The following PAK5 variants were observed in gnomAD, a reference collection of about 807,000 sequenced individuals.
PAK5 encodes serine/threonine-protein kinase PAK 5.
PAK5 carries 16 observed loss-of-function variants against 65.9 expected under a neutral mutation model. The observed-to-expected ratio is 0.24, with a 90% CI of 0.16 to 0.37. The LOEUF (loss-of-function observed/expected upper bound fraction) is 0.37. Among genes scored for constraint, PAK5 ranks in the 10% least tolerant of loss-of-function variants. The pLI is 1.00. For missense variants in PAK5, 785 were observed against 903.9 expected, an observed-to-expected ratio of 0.87 and a Z score of 1.69; for synonymous variants, 371 against 354.9, an observed-to-expected ratio of 1.05 and a Z score of -0.51.
chr20:9,630,280 A>G (rs867114919), intron 3 of PAK5, among the ~76,000 whole-genome samples: 21 of 152,338 alleles, frequency 1.4e-4, no homozygotes, highest in Middle Eastern at 3.4e-3. Flanking sequence ...GAGACTGTAG[A>G]GCTCTTTGTT....
chr20:9,643,842 C>A (rs1365346837), intron 3 of PAK5, among the ~76,000 whole-genome samples: 1 of 152,140 alleles, frequency 6.6e-6, no homozygotes. Flanking sequence ...TAAAGTCTAA[C>A]AAAAACACCA....
intron 7 of PAK5, among the ~76,000 whole-genome samples, chr20:9,552,456 CACATT>C (rs1346734790): frequency 6.6e-6 from 1 of 152,202 alleles, no homozygotes; most frequent in Non-Finnish European, 1.5e-5. Context: ...AGGTTTTACA[CACATT>C]ACATTATTCA....
chr20:9,635,941 T>C (rs1205100063), intron 3 of PAK5, among the ~76,000 whole-genome samples: 1 of 152,168 alleles, frequency 6.6e-6, no homozygotes, highest in East Asian at 1.9e-4. Flanking sequence ...GCTAGGAGCA[T>C]GGCAAACATC....
At chr20:9,806,054 T>A (rs1413339747) in intron 1 of PAK5, among the ~76,000 whole-genome samples, 1 of 152,184 alleles carries the variant, frequency 6.6e-6, no homozygotes, top group East Asian at 1.9e-4. Context: ...AACCTCTGCC[T>A]CCTGGGTTCA....
Position 9,580,707 on chromosome 20 carries a change from G to A in PAK5, c.428C>T (p.Thr143Ile), listed in dbSNP as rs1272802288. The A allele has an allele frequency of 6.2e-7, 1 of 1,613,950 alleles. No homozygotes were observed. ...GAGACTCTTCTCCCTGTACTTTTCG[G>A]TCGTGTAGTCAGCAGTAGTATCGGA... The part of the protein sequence containing the change: ...SESDTTADYT[T>I]EKYREKSLYG... The change falls in exon 4 of 10, where the codon ACC (threonine) becomes ATC (isoleucine). Residue 143 changes from threonine (T) to isoleucine (I), a missense_variant. Transcript: ENST00000353224.
intron 3 of PAK5, among the ~76,000 whole-genome samples, chr20:9,634,839 C>T (rs978187534): frequency 2.6e-5 from 4 of 152,126 alleles, no homozygotes; most frequent in Non-Finnish European, 4.4e-5. Flanking sequence ...AAAAGGCATA[C>T]TGACACTGGA....
At chr20:9,601,447 G>A (rs559196817) in intron 3 of PAK5, among the ~76,000 whole-genome samples, 29 of 152,168 alleles carry the variant, frequency 1.9e-4, no homozygotes, top group African/African-American at 3.6e-4. Context: ...GCATTTGATC[G>A]TCCCAATAGC....
At chr20:9,710,893 A>G (rs1003313161) in intron 2 of PAK5, among the ~76,000 whole-genome samples, 2 of 152,156 alleles carry the variant, frequency 1.3e-5, no homozygotes, top group Admixed American at 6.5e-5. Flanking sequence ...TTCATGACAC[A>G]TGGACGGTAT....
intron 1 of PAK5, among the ~76,000 whole-genome samples, chr20:9,779,127 T>C (rs186479989): frequency 2.6e-5 from 4 of 152,282 alleles, no homozygotes; most frequent in East Asian, 3.9e-4. Context: ...GATATGGCTT[T>C]CTTTTACATT....
intron 1 of PAK5, among the ~76,000 whole-genome samples, chr20:9,837,333 C>T (rs983797369): frequency 2.0e-5 from 3 of 152,206 alleles, no homozygotes; most frequent in African/African-American, 7.2e-5. Flanking sequence ...TTTGATGATA[C>T]TGACTCATTC....
intron 3 of PAK5, among the ~76,000 whole-genome samples, chr20:9,631,193 C>G (rs973078352): frequency 2.0e-5 from 3 of 152,146 alleles, no homozygotes; most frequent in African/African-American, 7.2e-5. Flanking sequence ...CAATGATTCC[C>G]ACCTCCTGGT....
At chr20:9,784,490 T>C (rs1302227237) in intron 1 of PAK5, 1 of 152,194 alleles carries the variant, frequency 6.6e-6, no homozygotes, top group Non-Finnish European at 1.5e-5. Context: ...GATATGATTA[T>C]ACTGGGAGAC....
rs1302863211 is a variant in PAK5, at chr20:9,538,187, C to T, written c.*1275G>A. ...TATTGTAGTAGTCATTCATTTTTAT[C>T]AACATTCAAGAAGATCTAGACAGCA... On this transcript the variant is annotated 3_prime_UTR_variant, in exon 10 of 10. Coordinates refer to ENST00000353224, the MANE Select transcript of PAK5 (RefSeq NM_177990.4). 1 of 233,402 alleles carries T rather than the reference C, an allele frequency of 4.3e-6. No homozygotes were observed. The highest frequency in any genetic ancestry group is 8.5e-6 in the Non-Finnish European group (1 of 117,966). The allele number at this position is 233,402 out of a possible 1,614,324, so 14.5% of individuals were successfully genotyped here.
intron 3 of PAK5, among the ~76,000 whole-genome samples, chr20:9,610,888 C>T (rs1393145350): frequency 6.6e-6 from 1 of 152,138 alleles, no homozygotes; most frequent in Non-Finnish European, 1.5e-5. Flanking sequence ...GCTAGGTGGG[C>T]CCATTTCCCC....
intron 3 of PAK5, among the ~76,000 whole-genome samples, chr20:9,622,975 TA>T (rs1425088224): frequency 6.6e-6 from 1 of 152,252 alleles, no homozygotes; most frequent in Non-Finnish European, 1.5e-5. Context: ...TGATGTGTTA[TA>T]AAATTGCTAA....
intron 5 of PAK5, among the ~76,000 whole-genome samples, chr20:9,564,198 A>G (rs1039410655): frequency 6.6e-6 from 1 of 152,170 alleles, no homozygotes; most frequent in Admixed American, 6.5e-5. Context: ...AAAGAATATT[A>G]CTCCAAAATA....
intron 3 of PAK5, among the ~76,000 whole-genome samples, chr20:9,594,316 A>C (rs1191811977): frequency 6.6e-6 from 1 of 152,190 alleles, no homozygotes; most frequent in Non-Finnish European, 1.5e-5. Context: ...TAAAATATAC[A>C]TTGAAGTCTG....
At chr20:9,786,841 A>G (rs1361152398) in intron 1 of PAK5, among the ~76,000 whole-genome samples, 2 of 152,178 alleles carry the variant, frequency 1.3e-5, no homozygotes, top group Admixed American at 6.5e-5. Flanking sequence ...AAATGTCACA[A>G]AAGTTTCCTG....
intron 1 of PAK5, among the ~76,000 whole-genome samples, chr20:9,722,022 T>A (rs773034013): frequency 5.3e-5 from 8 of 152,120 alleles, no homozygotes; most frequent in Non-Finnish European, 8.8e-5. Flanking sequence ...CTTTATAATA[T>A]CCACTATTAA....
Sources: allele counts gnomAD v4.1 joint callset (sites outside exome capture counted in the v4.1 genomes callset), GRCh38; gene constraint gnomAD v4.1.1; transcripts MANE v1.5; gene names NCBI Gene and HGNC (gene_info 2026-07-23, HGNC 2026-07-21).